STARD13: variants seen among roughly 807,000 people sequenced by gnomAD.
STARD13 encodes the protein stAR-related lipid transfer protein 13.
In STARD13, 62 loss-of-function variants were observed where a neutral mutation model predicts 106.4. The ratio of observed to expected loss-of-function variants is 0.58; its 90% CI spans 0.48 to 0.72. The LOEUF (loss-of-function observed/expected upper bound fraction) is 0.72. STARD13 is among the 30% of genes least tolerant of loss of function. The pLI is 0.00. For missense variants in STARD13, 1,387 were observed against 1,424.0 expected, an observed-to-expected ratio of 0.97 and a Z score of 0.42; for synonymous variants, 565 against 553.0, an observed-to-expected ratio of 1.02 and a Z score of -0.31.
chr13:33,273,080 C>T (rs752260128), intron 1 of STARD13, among the ~76,000 whole-genome samples: 2 of 152,128 alleles, frequency 1.3e-5, no homozygotes, highest in African/African-American at 4.8e-5. Context: ...TTCCATACAA[C>T]AAAACTCGAT....
intron 1 of STARD13, among the ~76,000 whole-genome samples, chr13:33,302,083 A>G (rs1892741859): frequency 6.6e-6 from 1 of 152,194 alleles, no homozygotes. Flanking sequence ...TGTACCCCTG[A>G]TAATAATTAA....
intron 1 of STARD13, among the ~76,000 whole-genome samples, chr13:33,343,310 C>T (rs896758637): frequency 3.3e-5 from 5 of 150,696 alleles, no homozygotes; most frequent in Middle Eastern, 3.2e-3. Flanking sequence ...CTCGGTGGCT[C>T]ATGCCTATCA....
At chr13:33,314,918 A>C (rs1200040859) in intron 1 of STARD13, among the ~76,000 whole-genome samples, 1 of 152,182 alleles carries the variant, frequency 6.6e-6, no homozygotes, top group African/African-American at 2.4e-5. Flanking sequence ...GTGGTTGACT[A>C]AGAATTATTT....
chr13:33,560,751 A>G, the STARD13 span, among the ~76,000 whole-genome samples: 3 of 151,488 alleles, frequency 2.0e-5, no homozygotes, highest in East Asian at 1.9e-4. Flanking sequence ...AAAATCAGTA[A>G]TATTTTCAGG....
chr13:33,445,245 T>C, the STARD13 span, among the ~76,000 whole-genome samples: 2 of 152,290 alleles, frequency 1.3e-5, no homozygotes, highest in Admixed American at 1.3e-4. Flanking sequence ...AAGCAGTAGA[T>C]AAAAATCCCA....
chr13:33,323,393 C>T (rs1024098527), intron 1 of STARD13, among the ~76,000 whole-genome samples: 11 of 152,212 alleles, frequency 7.2e-5, no homozygotes, highest in Non-Finnish European at 1.6e-4. Flanking sequence ...GTTAGCCTCC[C>T]TGCTATACTC....
At chr13:33,668,762 G>T in the STARD13 span, among the ~76,000 whole-genome samples, 2 of 152,266 alleles carry the variant, frequency 1.3e-5, no homozygotes, top group East Asian at 3.9e-4. Flanking sequence ...GGGATGGTTG[G>T]CTAGTCCTCA....
intron 7 of STARD13, among the ~76,000 whole-genome samples, chr13:33,120,516 A>G (rs1246398955): frequency 6.6e-6 from 1 of 152,216 alleles, no homozygotes; most frequent in Non-Finnish European, 1.5e-5. Flanking sequence ...AAGTCTGACA[A>G]TAACCTTCCT....
chr13:33,617,757 G>T, the STARD13 span, among the ~76,000 whole-genome samples: 19 of 152,158 alleles, frequency 1.2e-4, no homozygotes, highest in Non-Finnish European at 2.1e-4. Context: ...ACCAAGCACT[G>T]GTATAGGGGC....
chr13:33,590,968 T>A, the STARD13 span, among the ~76,000 whole-genome samples: 1 of 152,192 alleles, frequency 6.6e-6, no homozygotes, highest in Non-Finnish European at 1.5e-5. Flanking sequence ...CTCGTACTTG[T>A]ATAACAGAGC....
At chr13:33,126,562 CA>C (rs1877203645) in intron 6 of STARD13, among the ~76,000 whole-genome samples, 2 of 152,118 alleles carry the variant, frequency 1.3e-5, no homozygotes, top group South Asian at 4.2e-4. Context: ...AAGTCCCCAA[CA>C]AAACAAAACA....
chr13:33,326,048 C>T (rs74865652), intron 1 of STARD13, among the ~76,000 whole-genome samples: 3,464 of 150,238 alleles, frequency 0.023, 138 homozygotes, highest in African/African-American at 0.08. Flanking sequence ...ATTCATCAAC[C>T]GGTGAAACGT....
chr13:33,520,854 A>AC, the STARD13 span, among the ~76,000 whole-genome samples: 1 of 152,078 alleles, frequency 6.6e-6, no homozygotes, highest in South Asian at 2.1e-4. Flanking sequence ...TAGCTAAAGT[A>AC]CAGGCTTTTC....
rs111476697 is a variant in STARD13, at chr13:33,111,884, T to C, written c.2501A>G (p.Gln834Arg). The C allele has an allele frequency of 6.2e-7, 1 of 1,607,994 alleles. No homozygotes were observed. Among genetic ancestry groups the C allele is most frequent in the East Asian group, 2.2e-5 (1 of 44,866 alleles). The change falls in exon 10 of 14, where the codon CAG becomes CGG. Residue 834 changes from glutamine (Q) to arginine (R), a missense_variant. Transcript: ENST00000336934. ...TGGCTTCCCAGTGGCATATTTCTTC[T>C]GTATGACTCTGTAATTGAACGTGAG... ...LKKESSPRVI[Q>R]KKYATGKPDQ...
chr13:33,551,662 G>A, the STARD13 span, among the ~76,000 whole-genome samples: 1 of 123,418 alleles, frequency 8.1e-6, no homozygotes, highest in Admixed American at 1.1e-4. Context: ...ACAGTGTTGG[G>A]ATCTTGGCTC....
At chr13:33,142,210 T>C in intron 4 of STARD13, 100 bp downstream of exon 4, 1 of 906,722 alleles carries the variant, frequency 1.1e-6, no homozygotes. Flanking sequence ...TATTATTATT[T>C]TTTTGTAGAC....
chr13:33,509,438 T>C, the STARD13 span, among the ~76,000 whole-genome samples: 1 of 151,826 alleles, frequency 6.6e-6, no homozygotes, highest in Admixed American at 6.6e-5. Context: ...GGGATCTGGG[T>C]TCCAAACACT....
chr13:33,216,292 T>C (rs1888038356), intron 1 of STARD13, among the ~76,000 whole-genome samples: 1 of 152,148 alleles, frequency 6.6e-6, no homozygotes, highest in African/African-American at 2.4e-5. Flanking sequence ...AAATTCGCAA[T>C]TGCAAAAATG....
At chr13:33,162,283 G>A (rs1159527873) in intron 3 of STARD13, among the ~76,000 whole-genome samples, 3 of 152,202 alleles carry the variant, frequency 2.0e-5, no homozygotes, top group Non-Finnish European at 2.9e-5. Context: ...CCTGGGCCTG[G>A]CCCATGAAAC....
Sources: allele counts gnomAD v4.1 joint callset (sites outside exome capture counted in the v4.1 genomes callset), GRCh38; gene constraint gnomAD v4.1.1; transcripts MANE v1.5; gene names NCBI Gene and HGNC (gene_info 2026-07-23, HGNC 2026-07-21).